LAP3: variants seen among roughly 807,000 people sequenced by gnomAD.
LAP3 encodes leucine aminopeptidase 3.
Under a neutral mutation model 58.8 loss-of-function variants are expected in LAP3, and 46 were observed. The observed-to-expected ratio is 0.78, with a 90% confidence interval of 0.62 to 1.00. The LOEUF is 1.00. Ranked by LOEUF, LAP3 falls within the 50% of genes least tolerant of loss-of-function variation. The probability of loss-of-function intolerance (pLI) is 0.00; values close to 1 mark genes in which losing one functional copy is unlikely to be tolerated. For missense variants in LAP3, 615 were observed against 659.1 expected, an observed-to-expected ratio of 0.93 and a Z score of 0.73; for synonymous variants, 257 against 237.7, an observed-to-expected ratio of 1.08 and a Z score of -0.75.
At chr4:17,593,589 A>G (rs569598455) in intron 7 of LAP3, among the ~76,000 whole-genome samples, 86 of 141,774 alleles carry the variant, frequency 6.1e-4, no homozygotes, top group African/African-American at 1.9e-3. Context: ...ATCTTCATAT[A>G]CATTTTAGAA....
intron 4 of LAP3, 65 bp downstream of exon 4, chr4:17,582,458 C>G: frequency 1.6e-6 from 2 of 1,264,194 alleles, no homozygotes; most frequent in African/African-American, 1.5e-5. Flanking sequence ...CTCTCTTTCC[C>G]CTTTTTGTCC....
At chr4:17,579,347 A>G (rs1280263412) in intron 1 of LAP3, among the ~76,000 whole-genome samples, 3 of 152,156 alleles carry the variant, frequency 2.0e-5, no homozygotes. Flanking sequence ...CACCTTTCTC[A>G]TGGGAATTTG....
At chr4:17,602,988 G>A (rs1300268662) in intron 10 of LAP3, among the ~76,000 whole-genome samples, 1 of 151,048 alleles carries the variant, frequency 6.6e-6, no homozygotes, top group Non-Finnish European at 1.5e-5. Context: ...AGCCAAAGAG[G>A]AATAGGATAA....
chr4:17,595,290 G>A (rs11934098), intron 7 of LAP3, 120 bp from the exon 8 acceptor site: 38 of 1,085,974 alleles, frequency 3.5e-5, no homozygotes, highest in East Asian at 3.3e-4. Context: ...CGCCCACCTC[G>A]GCCTCCCAAA....
At chr4:17,599,559 A>G (rs1286153733) in intron 10 of LAP3, among the ~76,000 whole-genome samples, 1 of 152,122 alleles carries the variant, frequency 6.6e-6, no homozygotes, top group Non-Finnish European at 1.5e-5. Context: ...AATAAAATAA[A>G]TGATGTTAAG....
In LAP3 at chr4:17,598,448, C is replaced by T. The variant is rs998761769; in HGVS notation, c.1078-8C>T. 6.2e-7 allele frequency: 1 copy of T among 1,600,412 alleles called. No homozygotes were observed. The highest frequency in any genetic ancestry group is 8.6e-7 in the Non-Finnish European group (1 of 1,167,566). ...GCTGTCACCCTTTCTGTTTTTGACC[C>T]TCTGCAGGTTGATAACACTGATGCT... On this transcript the variant is annotated splice_polypyrimidine_tract_variant and splice_region_variant and intron_variant, in intron 9 of 12. Transcript: ENST00000226299.
In LAP3 at chr4:17,577,300, G is replaced by GGTGCTGCCCATCCGTCCC. The variant is rs951654083; in HGVS notation, c.-164_-147dup. On this transcript the variant is annotated 5_prime_UTR_variant, in exon 1 of 13. Coordinates refer to ENST00000226299, the MANE Select transcript of LAP3 (RefSeq NM_015907.3). Reference sequence around the variant, plus strand: ...TTTGATCCCAGCGGTCCAGTCGGCCGGTGCTGCCCATCCGTCCCGCCCCCT... The same window carrying GGTGCTGCCCATCCGTCCC: ...TTTGATCCCAGCGGTCCAGTCGGCCGGTGCTGCCCATCCGTCCCGTGCTGCCCATCCGTCCCGCCCCCT... The GGTGCTGCCCATCCGTCCC allele has an allele frequency of 6.9e-6, 2 of 291,182 alleles. No individual in the cohort carries two copies. The highest frequency in any genetic ancestry group is 8.2e-5 in the Admixed American group (1 of 12,138). The allele number at this position is 291,182 out of a possible 1,614,324, so 18.0% of individuals were successfully genotyped here. A position where few individuals can be genotyped will look rare whatever the true frequency, so the allele number is the denominator to read the frequency against.
At chr4:17,595,610 G>A in intron 8 of LAP3, 76 bp downstream of exon 8, 2 of 1,461,238 alleles carry the variant, frequency 1.4e-6, no homozygotes, top group Non-Finnish European at 1.9e-6. Flanking sequence ...CAACAGATAT[G>A]ATTTCCCCTA....
At chr4:17,592,839 C>T (rs890088842) in intron 7 of LAP3, among the ~76,000 whole-genome samples, 6 of 152,228 alleles carry the variant, frequency 3.9e-5, no homozygotes, top group Admixed American at 3.3e-4. Context: ...GACGGAGTCT[C>T]GCTCTGTCAC....
chr4:17,605,173 C>T (rs1020010962), intron 11 of LAP3, among the ~76,000 whole-genome samples: 1 of 151,578 alleles, frequency 6.6e-6, no homozygotes, highest in Non-Finnish European at 1.5e-5. Context: ...CATTGGTTTT[C>T]GAATGTCCAC....
chr4:17,585,428 T>C lies in LAP3; in HGVS notation c.704+292T>C. Reference sequence around the variant, plus strand: ...GAATTCACCAATGCAAAGTGTGCAATTCAGTGATTTTTTTTTTTTTTTTTT... The same window carrying C: ...GAATTCACCAATGCAAAGTGTGCAACTCAGTGATTTTTTTTTTTTTTTTTT... On this transcript the variant is annotated intron_variant, in intron 6 of 12. Transcript: ENST00000226299. The C allele has an allele frequency of 2.0e-5, 4 of 201,310 alleles. 1 individual carries two copies. The South Asian group carries it at 3.3e-4, about 17-fold the overall frequency. 12.5% of individuals were successfully genotyped at this position (201,310 alleles called of 1,614,324 possible).
chr4:17,597,557 C>T (rs1713862266), intron 9 of LAP3, among the ~76,000 whole-genome samples: 1 of 152,218 alleles, frequency 6.6e-6, no homozygotes, highest in African/African-American at 2.4e-5. Flanking sequence ...GCGCGAGCCA[C>T]CATTCCCGGC....
chr4:17,580,121 C>T (rs1713311649), intron 2 of LAP3, among the ~76,000 whole-genome samples, 182 bp downstream of exon 2: 1 of 125,738 alleles, frequency 8.0e-6, no homozygotes, highest in South Asian at 2.5e-4. Context: ...CCTCAGACAC[C>T]CAAGTATCTG....
chr4:17,604,086 G>A (rs1183882249), intron 10 of LAP3, among the ~76,000 whole-genome samples: 1 of 152,016 alleles, frequency 6.6e-6, no homozygotes, highest in Non-Finnish European at 1.5e-5. Context: ...GATTACAGGC[G>A]TGAGCCAGCA....
intron 6 of LAP3, among the ~76,000 whole-genome samples, chr4:17,588,094 C>T (rs894788119): frequency 3.9e-5 from 6 of 151,984 alleles, no homozygotes; most frequent in East Asian, 1.9e-4. Context: ...GTGGCGAGAT[C>T]GTGGCTCACT....
In LAP3 at chr4:17,583,415, C is replaced by T; in HGVS notation, c.380-68C>T. 7.1e-6 allele frequency: 11 copies of T among 1,556,858 alleles called. No homozygotes were observed. In the South Asian group the frequency reaches 9.0e-5, roughly 13 times the overall value. On this transcript the variant is annotated intron_variant, in intron 4 of 12. Transcript: ENST00000226299. ...TGTTTTCTCAGCACATCACATCATGCCTCTGCTGTCTGCTCTTTGAGTTGT... is the reference window on the plus strand; with the variant it reads ...TGTTTTCTCAGCACATCACATCATGTCTCTGCTGTCTGCTCTTTGAGTTGT...
At position 17,587,148 on chromosome 4, in the gene LAP3, G is replaced by T. The variant is rs139577137; in HGVS notation, c.705-1671G>T. On this transcript the variant is annotated intron_variant, in intron 6 of 12. Transcript: ENST00000226299. ...TAAGGAGAGTCCTGCAGGTTGCTTAGAAGTTACAGTACAAGAGAGTGGGGC... is the reference window on the plus strand; with the variant it reads ...TAAGGAGAGTCCTGCAGGTTGCTTATAAGTTACAGTACAAGAGAGTGGGGC... Among the ~76,000 whole-genome samples, 736 of 152,328 alleles carry T rather than the reference G, an allele frequency of 4.8e-3. 8 individuals are homozygous for T. Among genetic ancestry groups the T allele is most frequent in the African/African-American group, 0.017 (709 of 41,578 alleles).
At chr4:17,589,306 C>T (rs1713616724) in intron 7 of LAP3, among the ~76,000 whole-genome samples, 1 of 152,016 alleles carries the variant, frequency 6.6e-6, no homozygotes, top group African/African-American at 2.4e-5. Flanking sequence ...AGTGATCCGC[C>T]CACCTCAGCC....
chr4:17,587,251 G>A (rs866218851), intron 6 of LAP3, among the ~76,000 whole-genome samples: 10 of 152,302 alleles, frequency 6.6e-5, no homozygotes, highest in South Asian at 2.1e-4. Flanking sequence ...CAGGCAGGAC[G>A]CATGGGTGGG....
Sources: allele counts gnomAD v4.1 joint callset (sites outside exome capture counted in the v4.1 genomes callset), GRCh38; gene constraint gnomAD v4.1.1; transcripts MANE v1.5; gene names NCBI Gene and HGNC (gene_info 2026-07-23, HGNC 2026-07-21).